WWOX: variants seen among roughly 807,000 people sequenced by gnomAD.
WWOX encodes WW domain-containing oxidoreductase.
A neutral mutation model predicts 46.2 loss-of-function variants in WWOX; 69 were observed. The ratio of observed to expected loss-of-function variants is 1.49; its 90% CI spans 1.23 to 1.82. The LOEUF (loss-of-function observed/expected upper bound fraction) is 1.82, where lower values mean the gene tolerates loss of function less well. Ranked by LOEUF, WWOX falls within the 40% of genes most tolerant of loss-of-function variation. The pLI, the probability that WWOX is intolerant of heterozygous loss-of-function variation, is 0.00. For synonymous variants in WWOX, 359 were observed against 202.6 expected (o/e 1.77, Z -6.56); for missense variants, 919 against 542.6 (o/e 1.69, Z -6.89).
At chr16:78,424,160 C>G (rs968311603) in intron 6 of WWOX, among the ~76,000 whole-genome samples, 4 of 118,492 alleles carry the variant, frequency 3.4e-5, no homozygotes, top group African/African-American at 1.3e-4. Flanking sequence ...CTCTGTTGGT[C>G]AGGCTGGAGT....
chr16:78,984,313 C>A (rs1406503246), intron 8 of WWOX, among the ~76,000 whole-genome samples: 2 of 152,080 alleles, frequency 1.3e-5, no homozygotes, highest in Non-Finnish European at 2.9e-5. Flanking sequence ...ATTGCAAGTC[C>A]CCCACCTCCA....
intron 5 of WWOX, among the ~76,000 whole-genome samples, chr16:78,338,444 A>C (rs2080942169): frequency 8.3e-6 from 1 of 121,204 alleles, no homozygotes; most frequent in South Asian, 2.5e-4. Context: ...TTGGGGGACA[A>C]AATGTCTTTA....
chr16:78,967,122 T>A (rs562955669), intron 8 of WWOX, among the ~76,000 whole-genome samples: 2 of 152,052 alleles, frequency 1.3e-5, no homozygotes, highest in African/African-American at 4.8e-5. Flanking sequence ...TTATCTGATA[T>A]GTGTTTCAGC....
At chr16:78,864,980 C>G (rs564782346) in intron 8 of WWOX, among the ~76,000 whole-genome samples, 5 of 151,990 alleles carry the variant, frequency 3.3e-5, no homozygotes, top group South Asian at 4.2e-4. Context: ...CCAGGCTGGT[C>G]TTGAACTCCT....
chr16:79,145,153 A>C (rs571094369), intron 8 of WWOX, among the ~76,000 whole-genome samples: 1 of 152,196 alleles, frequency 6.6e-6, no homozygotes, highest in South Asian at 2.1e-4. Context: ...TTAAATTTTC[A>C]TGTCATTTCT....
intron 8 of WWOX, among the ~76,000 whole-genome samples, chr16:78,452,316 CAT>C (rs2083710023): frequency 6.6e-6 from 1 of 152,068 alleles, no homozygotes; most frequent in African/African-American, 2.4e-5. Context: ...TTTTTACTGT[CAT>C]ATGATTCACA....
At chr16:78,255,549 C>A (rs1389605328) in intron 5 of WWOX, among the ~76,000 whole-genome samples, 1 of 152,110 alleles carries the variant, frequency 6.6e-6, no homozygotes, top group Non-Finnish European at 1.5e-5. Context: ...TCTCTTGGCA[C>A]TATAGGGGGC....
rs866610769 is a variant in WWOX, at chr16:78,387,588, G to C, written c.605+640G>C. Among the ~76,000 whole-genome samples the C allele has an allele frequency of 3.9e-5, 6 of 152,078 alleles. No individual in the cohort carries two copies. The South Asian group carries it at 8.3e-4, about 21-fold the overall frequency. ...TAGGAGAAAGGGAGAGAAGCGGAAG[G>C]GGGTGGGGAGACAGAGAGACAGACA... On this transcript the variant is annotated intron_variant, in intron 6 of 8. Transcript: ENST00000566780.
intron 8 of WWOX, among the ~76,000 whole-genome samples, chr16:78,677,270 C>T (rs974728986): frequency 6.6e-6 from 1 of 152,150 alleles, no homozygotes; most frequent in African/African-American, 2.4e-5. Context: ...TGACAGGATT[C>T]TTGCAAATGT....
chr16:78,727,849 G>C (rs759328919), intron 8 of WWOX, among the ~76,000 whole-genome samples: 7 of 151,888 alleles, frequency 4.6e-5, no homozygotes, highest in Non-Finnish European at 1.0e-4. Context: ...GTGCTTCTTG[G>C]ATATTTTGGT....
chr16:78,458,860 G>T (rs1017964601), intron 8 of WWOX, among the ~76,000 whole-genome samples: 12 of 152,178 alleles, frequency 7.9e-5, no homozygotes, highest in African/African-American at 2.9e-4. Context: ...ACAGGAGACT[G>T]TGGGATGATT....
chr16:78,965,588 C>T (rs1032780053), intron 8 of WWOX, among the ~76,000 whole-genome samples: 18 of 152,010 alleles, frequency 1.2e-4, no homozygotes, highest in East Asian at 3.9e-4. Context: ...AAAAAATGCC[C>T]GCCTTATTCA....
chr16:78,126,983 T>C (rs1397525642), intron 4 of WWOX, among the ~76,000 whole-genome samples: 1 of 152,202 alleles, frequency 6.6e-6, no homozygotes, highest in Non-Finnish European at 1.5e-5. Context: ...AATTGTACCA[T>C]TGCTGAAAAT....
chr16:79,099,444 C>T (rs978845702), intron 8 of WWOX, among the ~76,000 whole-genome samples: 2 of 152,202 alleles, frequency 1.3e-5, no homozygotes, highest in African/African-American at 4.8e-5. Context: ...AGCGCGCACA[C>T]TCTGTTAACA....
intron 8 of WWOX, among the ~76,000 whole-genome samples, chr16:78,876,469 TC>T (rs941901661): frequency 7.9e-6 from 1 of 125,818 alleles, no homozygotes; most frequent in Non-Finnish European, 1.7e-5. Flanking sequence ...GCTTGACTCT[TC>T]TTTTTTTTTT....
intron 8 of WWOX, among the ~76,000 whole-genome samples, chr16:78,453,837 TTTTTA>T (rs1447070861): frequency 6.6e-5 from 10 of 152,164 alleles, no homozygotes; most frequent in African/African-American, 2.4e-4. Flanking sequence ...AAACCATTTT[TTTTTA>T]TTTTATAGTG....
intron 5 of WWOX, among the ~76,000 whole-genome samples, chr16:78,274,237 C>T (rs1311060978): frequency 6.6e-6 from 1 of 152,184 alleles, no homozygotes; most frequent in Non-Finnish European, 1.5e-5. Context: ...CCCTTCATGT[C>T]CAGCTCCTGC....
intron 8 of WWOX, among the ~76,000 whole-genome samples, chr16:78,819,561 C>T (rs755365489): frequency 2.5e-4 from 38 of 152,202 alleles, no homozygotes; most frequent in Non-Finnish European, 4.7e-4. Flanking sequence ...CTCGGAATTG[C>T]CACTGTGGGT....
At chr16:79,164,576 G>C (rs992975394) in intron 8 of WWOX, among the ~76,000 whole-genome samples, 1 of 152,166 alleles carries the variant, frequency 6.6e-6, no homozygotes, top group Non-Finnish European at 1.5e-5. Flanking sequence ...CAAGAATGCA[G>C]AGCTCATGGT....
Sources: allele counts gnomAD v4.1 joint callset (sites outside exome capture counted in the v4.1 genomes callset), GRCh38; gene constraint gnomAD v4.1.1; transcripts MANE v1.5; gene names NCBI Gene and HGNC (gene_info 2026-07-23, HGNC 2026-07-21).